Variants in HS2ST1 observed in about 807,000 individuals in gnomAD.
The protein encoded by HS2ST1 is heparan sulfate 2-O-sulfotransferase 1, also known as 2-O-sulfotransferase.
Under a neutral mutation model 42.9 loss-of-function variants are expected in HS2ST1, and 18 were observed. The observed-to-expected ratio is 0.42, with a 90% confidence interval of 0.29 to 0.62. The LOEUF (loss-of-function observed/expected upper bound fraction) is 0.62, where lower values mean the gene tolerates loss of function less well. Ranked by LOEUF, HS2ST1 falls within the 20% of genes least tolerant of loss-of-function variation. The pLI is 0.21. For synonymous variants in HS2ST1, 146 were observed against 152.9 expected, an observed-to-expected ratio of 0.95 and a Z score of 0.33; for missense variants, 334 against 433.8, an observed-to-expected ratio of 0.77 and a Z score of 2.04.
chr1:87,042,563 A>G (rs576573717), intron 1 of HS2ST1, among the ~76,000 whole-genome samples: 1 of 152,184 alleles, frequency 6.6e-6, no homozygotes, highest in South Asian at 2.1e-4. Flanking sequence ...TCCTCTTGAT[A>G]TTTTTTGGAT....
chr1:86,935,517 C>CA (rs1377742916), intron 1 of HS2ST1, among the ~76,000 whole-genome samples: 2 of 127,284 alleles, frequency 1.6e-5, no homozygotes, highest in African/African-American at 6.2e-5. Context: ...GGCTAGTGTG[C>CA]AGTGGCACAA....
At chr1:87,048,882 A>G (rs1053227956) in intron 1 of HS2ST1, among the ~76,000 whole-genome samples, 24 of 152,228 alleles carry the variant, frequency 1.6e-4, no homozygotes, top group African/African-American at 5.5e-4. Flanking sequence ...TTGCCTCTAT[A>G]AGGGATTTCA....
intron 1 of HS2ST1, among the ~76,000 whole-genome samples, chr1:86,993,578 A>G (rs1183592671): frequency 6.6e-6 from 1 of 152,238 alleles, no homozygotes; most frequent in Non-Finnish European, 1.5e-5. Context: ...CCAGTACCAT[A>G]TAAAAATACT....
intron 1 of HS2ST1, among the ~76,000 whole-genome samples, chr1:87,065,120 A>G (rs1450818917): frequency 6.6e-6 from 1 of 152,226 alleles, no homozygotes; most frequent in Non-Finnish European, 1.5e-5. Context: ...AGAATCAGTT[A>G]AATAGCCTCA....
chr1:87,090,917 G>T (rs1330396320), intron 3 of HS2ST1, among the ~76,000 whole-genome samples: 1 of 151,846 alleles, frequency 6.6e-6, no homozygotes, highest in African/African-American at 2.4e-5. Flanking sequence ...ATGTTTGCAT[G>T]GTACCTTCCT....
intron 1 of HS2ST1, among the ~76,000 whole-genome samples, chr1:86,959,244 A>T (rs1647758153): frequency 6.6e-6 from 1 of 152,258 alleles, no homozygotes; most frequent in Non-Finnish European, 1.5e-5. Flanking sequence ...ATGCAATAAG[A>T]CAGGAAAAGA....
intron 2 of HS2ST1, among the ~76,000 whole-genome samples, chr1:87,078,867 G>A (rs1332353735): frequency 6.6e-6 from 1 of 152,176 alleles, no homozygotes; most frequent in Non-Finnish European, 1.5e-5. Context: ...GCAGGGAGGT[G>A]AGAAGGCAGA....
chr1:86,929,723 G>GA (rs1463460852), intron 1 of HS2ST1, among the ~76,000 whole-genome samples: 1 of 151,772 alleles, frequency 6.6e-6, no homozygotes, highest in Non-Finnish European at 1.5e-5. Flanking sequence ...AATGAAAGAA[G>GA]AAAGAACCTA....
At chr1:87,071,503 G>T (rs1181538457) in intron 1 of HS2ST1, among the ~76,000 whole-genome samples, 1 of 152,128 alleles carries the variant, frequency 6.6e-6, no homozygotes, top group Non-Finnish European at 1.5e-5. Context: ...GGCCGAGGCG[G>T]GTGGATCACG....
At chr1:86,997,774 C>T (rs1210515708) in intron 1 of HS2ST1, among the ~76,000 whole-genome samples, 1 of 152,098 alleles carries the variant, frequency 6.6e-6, no homozygotes, top group African/African-American at 2.4e-5. Flanking sequence ...AAGGGTAGCA[C>T]ATACAGCATG....
chr1:86,964,504 G>A (rs963265184), intron 1 of HS2ST1, among the ~76,000 whole-genome samples: 6 of 152,222 alleles, frequency 3.9e-5, no homozygotes, highest in Admixed American at 2.0e-4. Context: ...CAGGCGTGGC[G>A]GCACGCGCCT....
Position 86,980,470 on chromosome 1 carries a change from T to A in HS2ST1, c.124+65310T>A, listed in dbSNP as rs1648546713. ...ATGGTTCTAGGATGATCCAATTCAT[T>A]GATTTTTTTTTTCTTAACTAAAATT... On this transcript the variant is annotated intron_variant, in intron 1 of 6. Coordinates refer to ENST00000370550, the MANE Select transcript of HS2ST1 (RefSeq NM_012262.4). Among the ~76,000 whole-genome samples, 4 of 149,606 alleles carry A rather than the reference T, an allele frequency of 2.7e-5. No homozygotes were observed. The South Asian group carries it at 8.4e-4, about 31-fold the overall frequency.
At position 87,023,962 on chromosome 1, in the gene HS2ST1, C is replaced by G. The variant is rs114451452; in HGVS notation, c.125-48972C>G. On this transcript the variant is annotated intron_variant, in intron 1 of 6. Transcript: ENST00000370550. The stretch of plus-strand genomic sequence containing the variant: ...GAGAAAGGGCTAACAGGACAAAGAG[C>G]AGAGTTGGCATTAGGAGGCATTATT... Among the ~76,000 whole-genome samples, 804 of 152,134 alleles carry G rather than the reference C, an allele frequency of 5.3e-3. 9 individuals carry two copies. The highest frequency in any genetic ancestry group is 0.018 in the African/African-American group (762 of 41,506).
chr1:87,057,276 G>GTTAAGGAACAA (rs1650993203), intron 1 of HS2ST1, among the ~76,000 whole-genome samples: 1 of 152,170 alleles, frequency 6.6e-6, no homozygotes, highest in Non-Finnish European at 1.5e-5. Context: ...GCTCTTTGGT[G>GTTAAGGAACAA]TCCTTAACAA....
intron 1 of HS2ST1, among the ~76,000 whole-genome samples, chr1:87,017,760 G>A (rs1364911871): frequency 6.6e-6 from 1 of 151,152 alleles, no homozygotes; most frequent in African/African-American, 2.4e-5. Flanking sequence ...TGATATATGT[G>A]TCCTTTCTTC....
chr1:86,938,323 TG>T (rs2102172667), intron 1 of HS2ST1, among the ~76,000 whole-genome samples: 1 of 152,294 alleles, frequency 6.6e-6, no homozygotes, highest in East Asian at 1.9e-4. Context: ...TATATGGGAA[TG>T]GTGGAATTTT....
chr1:87,066,984 G>T (rs1305149077), intron 1 of HS2ST1, among the ~76,000 whole-genome samples: 3 of 152,122 alleles, frequency 2.0e-5, no homozygotes, highest in Non-Finnish European at 2.9e-5. Context: ...TGGGGATTTG[G>T]GTTGGTTCCA....
At chr1:87,030,677 A>G (rs1056192626) in intron 1 of HS2ST1, among the ~76,000 whole-genome samples, 4 of 152,196 alleles carry the variant, frequency 2.6e-5, no homozygotes, top group African/African-American at 9.6e-5. Context: ...TTGTGATATG[A>G]TTAATCCTTC....
intron 2 of HS2ST1, among the ~76,000 whole-genome samples, chr1:87,074,091 G>A (rs533109508): frequency 6.6e-6 from 1 of 152,166 alleles, no homozygotes; most frequent in African/African-American, 2.4e-5. Flanking sequence ...CAAGACTAAG[G>A]TTGGCTTTCT....
Sources: gnomAD v4.1 joint callset for allele counts (sites outside exome capture counted in the v4.1 genomes callset) on GRCh38, gnomAD v4.1.1 for gene constraint, MANE v1.5 for transcripts, NCBI Gene and HGNC (gene_info 2026-07-23, HGNC 2026-07-21) for gene names.